Variants in FAM107B observed in about 807,000 individuals in gnomAD.
FAM107B encodes protein FAM107B.
FAM107B carries 21 observed loss-of-function variants against 31.5 expected under a neutral mutation model. That is an observed-to-expected ratio of 0.67 (90% confidence interval 0.47 to 0.96). The LOEUF is 0.96. FAM107B is among the 40% of genes least tolerant of loss of function. The probability of loss-of-function intolerance (pLI) is 0.00; values close to 1 mark genes in which losing one functional copy is unlikely to be tolerated. For synonymous variants in FAM107B, 157 were observed against 141.5 expected, an observed-to-expected ratio of 1.11 and a Z score of -0.78; for missense variants, 452 against 377.1, an observed-to-expected ratio of 1.20 and a Z score of -1.64.
chr10:14,660,274 A>G (rs1196486740), intron 2 of FAM107B, among the ~76,000 whole-genome samples: 4 of 152,210 alleles, frequency 2.6e-5, no homozygotes, highest in African/African-American at 7.2e-5. Flanking sequence ...TTGTTTCAGC[A>G]TTCAAAAAAA....
chr10:14,580,490 T>C (rs1564584741), intron 2 of FAM107B, among the ~76,000 whole-genome samples: 1 of 151,478 alleles, frequency 6.6e-6, no homozygotes, highest in Non-Finnish European at 1.5e-5. Context: ...GGACCAAAAA[T>C]AAAAAGGTAC....
chr10:14,693,730 C>A (rs897311636), intron 1 of FAM107B, among the ~76,000 whole-genome samples: 1 of 152,006 alleles, frequency 6.6e-6, no homozygotes, highest in Admixed American at 6.6e-5. Context: ...TACTTTGTAC[C>A]CACTGACCTC....
chr10:14,535,946 C>G (rs1341837107), intron 2 of FAM107B, among the ~76,000 whole-genome samples: 6 of 152,180 alleles, frequency 3.9e-5, no homozygotes, highest in African/African-American at 9.7e-5. Context: ...CCAAAGTTCA[C>G]TCCGGGCCCA....
intron 1 of FAM107B, among the ~76,000 whole-genome samples, chr10:14,694,803 G>A (rs776566025): frequency 2.6e-5 from 4 of 152,106 alleles, no homozygotes; most frequent in Non-Finnish European, 5.9e-5. Flanking sequence ...CCATTTCTTT[G>A]GAGAAATGTC....
At chr10:14,675,087 T>A (rs925305130) in intron 1 of FAM107B, among the ~76,000 whole-genome samples, 13 of 152,144 alleles carry the variant, frequency 8.5e-5, no homozygotes, top group African/African-American at 3.1e-4. Context: ...TGCATGCCCA[T>A]ATTAAACTGC....
At chr10:14,628,790 T>A (rs1479463577) in intron 2 of FAM107B, among the ~76,000 whole-genome samples, 1 of 152,072 alleles carries the variant, frequency 6.6e-6, no homozygotes. Context: ...CCCAGCACTT[T>A]GGGAGGTTGA....
At chr10:14,630,959 T>A (rs1853339968) in intron 2 of FAM107B, among the ~76,000 whole-genome samples, 1 of 152,158 alleles carries the variant, frequency 6.6e-6, no homozygotes, top group Non-Finnish European at 1.5e-5. Flanking sequence ...AGGAATCTAG[T>A]CTGCTTGAAA....
chr10:14,685,167 GA>G (rs1854953121), intron 1 of FAM107B, among the ~76,000 whole-genome samples: 1 of 99,366 alleles, frequency 1.0e-5, no homozygotes, highest in African/African-American at 3.9e-5. Flanking sequence ...TTTTTTTTTT[GA>G]GACAGGTTCT....
At chr10:14,555,652 C>T (rs1849626628) in intron 2 of FAM107B, among the ~76,000 whole-genome samples, 1 of 152,066 alleles carries the variant, frequency 6.6e-6, no homozygotes, top group African/African-American at 2.4e-5. Flanking sequence ...TATTTGTTTC[C>T]TCACTGCATC....
Position 14,521,868 on chromosome 10 carries a change from C to A in FAM107B, c.804+1G>T, listed in dbSNP as rs760370962. On this transcript the variant is annotated splice_donor_variant, in intron 4 of 4. Transcript: ENST00000181796. LOFTEE classifies it high-confidence loss of function. ...GACAGCTTCCAGCCAATCCCCCTTACCTGCTCCAACTTCTGCTGCCGTTTT... is the reference window on the plus strand; with the variant it reads ...GACAGCTTCCAGCCAATCCCCCTTAACTGCTCCAACTTCTGCTGCCGTTTT... 1 of 1,613,646 alleles carries A rather than the reference C, an allele frequency of 6.2e-7. No individual in the cohort carries two copies. The highest frequency in any genetic ancestry group is 1.1e-5 in the South Asian group (1 of 90,968).
At chr10:14,660,351 A>T (rs758023438) in intron 2 of FAM107B, among the ~76,000 whole-genome samples, 2 of 152,072 alleles carry the variant, frequency 1.3e-5, no homozygotes, top group Non-Finnish European at 2.9e-5. Context: ...CGTTTTTCAA[A>T]CACATTTCAC....
chr10:14,659,317 T>A (rs904527856), intron 2 of FAM107B, among the ~76,000 whole-genome samples: 2 of 152,098 alleles, frequency 1.3e-5, no homozygotes, highest in Non-Finnish European at 2.9e-5. Context: ...GGCGCGCACC[T>A]GTAGTCTCAG....
chr10:14,626,081 G>A (rs919319681), intron 2 of FAM107B, among the ~76,000 whole-genome samples: 9 of 152,118 alleles, frequency 5.9e-5, no homozygotes, highest in Non-Finnish European at 1.0e-4. Context: ...TTTTAAGACC[G>A]TGGTTGTTTT....
At chr10:14,543,666 G>A (rs11259171) in intron 2 of FAM107B, among the ~76,000 whole-genome samples, 138 of 141,872 alleles carry the variant, frequency 9.7e-4, no homozygotes, top group African/African-American at 3.5e-3. Context: ...CTGTTCCAAG[G>A]TTCACTATCT....
At chr10:14,699,654 C>T (rs1460610531) in intron 1 of FAM107B, among the ~76,000 whole-genome samples, 1 of 152,226 alleles carries the variant, frequency 6.6e-6, no homozygotes, top group East Asian at 1.9e-4. Context: ...TCCAGGAACA[C>T]CCTCACAGAC....
At chr10:14,630,741 C>G (rs1853333096) in intron 2 of FAM107B, among the ~76,000 whole-genome samples, 1 of 151,798 alleles carries the variant, frequency 6.6e-6, no homozygotes, top group Non-Finnish European at 1.5e-5. Context: ...GTCCCAGCTA[C>G]TTGGGAGGCT....
At chr10:14,699,063 A>C (rs1189079386) in intron 1 of FAM107B, among the ~76,000 whole-genome samples, 9 of 152,232 alleles carry the variant, frequency 5.9e-5, no homozygotes, top group Non-Finnish European at 1.2e-4. Flanking sequence ...GGTGGGGGGC[A>C]GGGGTACACT....
At chr10:14,586,845 G>T (rs1851861168) in intron 2 of FAM107B, among the ~76,000 whole-genome samples, 1 of 152,146 alleles carries the variant, frequency 6.6e-6, no homozygotes, top group Non-Finnish European at 1.5e-5. Context: ...CCCCCACCAG[G>T]TTCCTAACCT....
chr10:14,773,581 A>G (rs1331320046), intron 1 of FAM107B, among the ~76,000 whole-genome samples: 1 of 152,256 alleles, frequency 6.6e-6, no homozygotes, highest in Non-Finnish European at 1.5e-5. Context: ...CAGAATACTC[A>G]ACAATTAAAA....
Sources: allele counts gnomAD v4.1 joint callset (sites outside exome capture counted in the v4.1 genomes callset), GRCh38; gene constraint gnomAD v4.1.1; transcripts MANE v1.5; gene names NCBI Gene and HGNC (gene_info 2026-07-23, HGNC 2026-07-21).